The following SATB1 variants were observed in gnomAD, a reference collection of about 807,000 sequenced individuals.
The protein encoded by SATB1 is SATB homeobox 1, also known as DNA-binding protein SATB1.
Under a neutral mutation model 86.9 loss-of-function variants are expected in SATB1, and 11 were observed. That is an observed-to-expected ratio of 0.13 (90% CI 0.08 to 0.21). The LOEUF is 0.21. Ranked by LOEUF, SATB1 falls within the 10% of genes least tolerant of loss-of-function variation. The pLI, the probability that SATB1 is intolerant of heterozygous loss-of-function variation, is 1.00. For synonymous variants in SATB1, 357 were observed against 357.2 expected (o/e 1.00, Z 0.01); for missense variants, 551 against 937.6 (o/e 0.59, Z 5.39).
chr3:18,437,425 G>T (rs556926242), intron 1 of SATB1, among the ~76,000 whole-genome samples: 1 of 152,126 alleles, frequency 6.6e-6, no homozygotes, highest in African/African-American at 2.4e-5. Context: ...CATTCTAAAA[G>T]ATTTTTTTTA....
At chr3:18,408,683 T>G (rs1011071600) in intron 5 of SATB1, 1 of 151,666 alleles carries the variant, frequency 6.6e-6, no homozygotes, top group African/African-American at 2.4e-5. Flanking sequence ...TATCAGGTTT[T>G]TTTTTTTTTT....
At chr3:18,354,376 C>G (rs536027164) in intron 9 of SATB1, among the ~76,000 whole-genome samples, 1 of 152,226 alleles carries the variant, frequency 6.6e-6, no homozygotes, top group East Asian at 1.9e-4. Context: ...TGTCTGCCTC[C>G]TTTAGCTATC....
intron 5 of SATB1, among the ~76,000 whole-genome samples, chr3:18,406,661 A>G (rs144155432): frequency 6.0e-4 from 92 of 152,182 alleles, no homozygotes; most frequent in African/African-American, 2.1e-3. Flanking sequence ...TGTGCTTACA[A>G]ATGTTTAGTA....
intron 5 of SATB1, among the ~76,000 whole-genome samples, chr3:18,399,250 C>T (rs1697120896): frequency 6.6e-6 from 1 of 152,150 alleles, no homozygotes; most frequent in Admixed American, 6.6e-5. Context: ...TTGCTCTTTG[C>T]TGCACACCTA....
intron 5 of SATB1, among the ~76,000 whole-genome samples, chr3:18,411,279 T>C (rs1365094971): frequency 6.6e-6 from 1 of 152,098 alleles, no homozygotes; most frequent in Non-Finnish European, 1.5e-5. Context: ...TGTGCACGTG[T>C]GCACGCGCGA....
At chr3:18,413,734 T>C (rs898852144) in intron 5 of SATB1, among the ~76,000 whole-genome samples, 2 of 152,084 alleles carry the variant, frequency 1.3e-5, no homozygotes, top group Non-Finnish European at 2.9e-5. Flanking sequence ...AAATAAGAGT[T>C]TTCTCTGAAT....
At chr3:18,409,634 T>G (rs956281858) in intron 5 of SATB1, 1 of 152,044 alleles carries the variant, frequency 6.6e-6, no homozygotes, top group East Asian at 1.9e-4. Context: ...CTTCAGTGCC[T>G]GGCAAAGCAG....
At chr3:18,391,001 A>C (rs779260068) in intron 7 of SATB1, among the ~76,000 whole-genome samples, 25 of 152,194 alleles carry the variant, frequency 1.6e-4, no homozygotes, top group Non-Finnish European at 3.4e-4. Flanking sequence ...ACATATGCTA[A>C]AAGCTGATAT....
At chr3:18,425,980 TGGG>T (rs1698684702), upstream of SATB1, among the ~76,000 whole-genome samples, 1 of 149,274 alleles carries the variant, frequency 6.7e-6, no homozygotes, top group Non-Finnish European at 1.5e-5. Context: ...ACAGGCGAGG[TGGG>T]GGGACAGGGA....
intron 1 of SATB1, among the ~76,000 whole-genome samples, chr3:18,422,590 T>C (rs1367260819): frequency 1.3e-5 from 2 of 152,230 alleles, no homozygotes; most frequent in Non-Finnish European, 2.9e-5. Flanking sequence ...TCCATTATAT[T>C]AAACTGCAGT....
rs186677066 is a variant in SATB1, at chr3:18,408,570, T to C, written c.639+6541A>G. 2.3e-3 allele frequency: 344 copies of C among 152,116 alleles called. 1 individual carries two copies. Among genetic ancestry groups the C allele is most frequent in the African/African-American group, 7.8e-3 (325 of 41,530 alleles). The allele number at this position is 152,116 out of a possible 1,614,324, so 9.4% of individuals were successfully genotyped here. A position where few individuals can be genotyped will look rare whatever the true frequency, so the allele number is the denominator to read the frequency against. ...CCAGGGCTGAGGCTCTCCTCTGTTATGTTAAAGGCTCTCTTATGTTTTTCA... is the reference window on the plus strand; with the variant it reads ...CCAGGGCTGAGGCTCTCCTCTGTTACGTTAAAGGCTCTCTTATGTTTTTCA... On this transcript the variant is annotated intron_variant, in intron 5 of 10. Coordinates refer to ENST00000338745, the MANE Select transcript of SATB1 (RefSeq NM_002971.6).
chr3:18,396,919 T>C (rs1166516024), intron 6 of SATB1, among the ~76,000 whole-genome samples: 2 of 152,168 alleles, frequency 1.3e-5, no homozygotes, highest in African/African-American at 2.4e-5. Flanking sequence ...CACTGAGTTG[T>C]TAAAAAATGA....
At chr3:18,445,288 A>C in intron 1 of SATB1, 1 of 982,130 alleles carries the variant, frequency 1.0e-6, no homozygotes, top group Non-Finnish European at 1.2e-6. Flanking sequence ...GCCGAGCCCG[A>C]GCCGCCGCCG....
Position 18,366,625 on chromosome 3 carries a change from T to C in SATB1, c.1575+11545A>G, listed in dbSNP as rs139469492. Among the ~76,000 whole-genome samples, 405 of 152,284 alleles carry C rather than the reference T, an allele frequency of 2.7e-3. 3 individuals carry two copies. Among genetic ancestry groups the C allele is most frequent in the African/African-American group, 9.2e-3 (381 of 41,556 alleles). ...ATATTAAACCAAGCCCATTCCCCAATGGAATTCGGCTCATCTCATACTCTA... is the reference window on the plus strand; with the variant it reads ...ATATTAAACCAAGCCCATTCCCCAACGGAATTCGGCTCATCTCATACTCTA... On this transcript the variant is annotated intron_variant, in intron 9 of 10. Transcript: ENST00000338745.
chr3:18,349,640 CCTGCTGCTGCTGCTG>C lies in SATB1; in HGVS notation c.1807_1821del (p.Gln603_Gln607del). ...TGCTGTGGCTGTGGAGGCGGCGGTGCCTGCTGCTGCTGCTGCTGCTGTTGCTGTTGCTGCTGCTGT... is the reference window on the plus strand; with the variant it reads ...TGCTGTGGCTGTGGAGGCGGCGGTGCCTGCTGTTGCTGTTGCTGCTGCTGT... On this transcript the variant is annotated inframe_deletion, in exon 11 of 11. Coordinates refer to ENST00000338745, the MANE Select transcript of SATB1 (RefSeq NM_002971.6). This position sits in a 1 kb window ranked among gnomAD's most constrained non-coding sequence, Gnocchi z 5.5. The C allele has an allele frequency of 6.2e-7, 1 of 1,609,582 alleles. No individual in the cohort carries two copies. Among genetic ancestry groups the C allele is most frequent in the Non-Finnish European group, 8.5e-7 (1 of 1,178,124 alleles).
intron 9 of SATB1, among the ~76,000 whole-genome samples, chr3:18,371,105 A>G (rs1695460332): frequency 6.6e-6 from 1 of 152,224 alleles, no homozygotes; most frequent in South Asian, 2.1e-4. Context: ...GGAGGCTGGC[A>G]GTTTATGAAA....
chr3:18,383,770 C>CTA (rs1696179770), intron 8 of SATB1, among the ~76,000 whole-genome samples: 1 of 152,084 alleles, frequency 6.6e-6, no homozygotes, highest in South Asian at 2.1e-4. Flanking sequence ...TTCAAGTGCT[C>CTA]TATAACGTGT....
chr3:18,435,738 A>G (rs1360487330), intron 2 of SATB1, among the ~76,000 whole-genome samples: 1 of 152,292 alleles, frequency 6.6e-6, no homozygotes, highest in East Asian at 1.9e-4. Flanking sequence ...AGTGACCATC[A>G]GGGCCTGGAA....
At chr3:18,359,481 A>C (rs980780634) in intron 9 of SATB1, among the ~76,000 whole-genome samples, 15 of 151,988 alleles carry the variant, frequency 9.9e-5, no homozygotes, top group South Asian at 2.1e-4. Flanking sequence ...GAATTTCCCC[A>C]AAAAAAGGTC....
Sources: gnomAD v4.1 joint callset for allele counts (sites outside exome capture counted in the v4.1 genomes callset) on GRCh38, gnomAD v4.1.1 for gene constraint, Gnocchi (gnomAD v3.1) non-coding constraint, MANE v1.5 for transcripts, NCBI Gene and HGNC (gene_info 2026-07-23, HGNC 2026-07-21) for gene names.